The following OPCML variants were observed in gnomAD, a reference collection of about 807,000 sequenced individuals.
OPCML encodes the protein opioid-binding protein/cell adhesion molecule.
A neutral mutation model predicts 37.8 loss-of-function variants in OPCML; 13 were observed. That is an observed-to-expected ratio of 0.34 (90% confidence interval 0.22 to 0.55). OPCML has a LOEUF of 0.55. Among genes scored for constraint, OPCML ranks in the 20% least tolerant of loss-of-function variants. OPCML has a pLI of 0.91. For missense variants in OPCML, 341 were observed against 435.6 expected (o/e 0.78, Z 1.93); for synonymous variants, 176 against 168.8 (o/e 1.04, Z -0.33).
intron 1 of OPCML, among the ~76,000 whole-genome samples, chr11:133,081,728 G>A (rs937942529): frequency 1.3e-5 from 2 of 152,062 alleles, no homozygotes; most frequent in Non-Finnish European, 2.9e-5. Context: ...GTACATCAAT[G>A]GTACTCATCA....
At chr11:132,675,544 C>T (rs1942666091) in intron 2 of OPCML, among the ~76,000 whole-genome samples, 1 of 151,734 alleles carries the variant, frequency 6.6e-6, no homozygotes, top group Non-Finnish European at 1.5e-5. Flanking sequence ...CATAAGGATT[C>T]CACCAAAATA....
At chr11:132,434,896 T>C (rs1377301928) in intron 7 of OPCML, among the ~76,000 whole-genome samples, 1 of 152,176 alleles carries the variant, frequency 6.6e-6, no homozygotes, top group Non-Finnish European at 1.5e-5. Context: ...TTTTCAAAGA[T>C]GACCAAATAT....
chr11:133,087,408 T>G (rs1244902360), intron 1 of OPCML, among the ~76,000 whole-genome samples: 2 of 152,132 alleles, frequency 1.3e-5, no homozygotes, highest in Non-Finnish European at 2.9e-5. Flanking sequence ...GCCTAGAACC[T>G]AATAGGGGGT....
intron 2 of OPCML, among the ~76,000 whole-genome samples, chr11:132,695,868 G>A (rs1420865755): frequency 6.6e-6 from 1 of 152,196 alleles, no homozygotes; most frequent in East Asian, 1.9e-4. Flanking sequence ...CACTCCTCAG[G>A]AGAGTGCTCT....
chr11:133,139,588 T>G (rs1299468696), intron 1 of OPCML, among the ~76,000 whole-genome samples: 1 of 152,224 alleles, frequency 6.6e-6, no homozygotes, highest in Non-Finnish European at 1.5e-5. Flanking sequence ...TTCTGACACT[T>G]AGAAATGGGA....
At chr11:133,266,866 GC>G (rs1941676224) in intron 1 of OPCML, among the ~76,000 whole-genome samples, 2 of 152,158 alleles carry the variant, frequency 1.3e-5, no homozygotes, top group African/African-American at 4.8e-5. Flanking sequence ...GTGCTGGAGA[GC>G]TTCCCCAGCA....
chr11:132,713,418 A>G (rs1944347857), intron 2 of OPCML, among the ~76,000 whole-genome samples: 1 of 152,226 alleles, frequency 6.6e-6, no homozygotes, highest in South Asian at 2.1e-4. Flanking sequence ...GAAACTCTAT[A>G]AATTTTACAA....
chr11:132,419,897 GA>G lies in OPCML; in HGVS notation c.*295del. 2.9e-6 allele frequency: 1 copy of G among 345,168 alleles called. No individual in the cohort carries two copies. Among genetic ancestry groups the G allele is most frequent in the Non-Finnish European group, 5.3e-6 (1 of 188,840 alleles). The allele number at this position is 345,168 out of a possible 1,614,324, so 21.4% of individuals were successfully genotyped here. On this transcript the variant is annotated 3_prime_UTR_variant, in exon 8 of 8. Coordinates refer to ENST00000524381, the MANE Select transcript of OPCML (RefSeq NM_001012393.5). Reference sequence around the variant, plus strand: ...AGAGGATGTTGTTGGGAATGATGATGAGGAGAGAAGCAGAGGAAAGGGAAGG... The same window carrying G: ...AGAGGATGTTGTTGGGAATGATGATGGGAGAGAAGCAGAGGAAAGGGAAGG...
At chr11:133,134,486 G>A (rs1381425138) in intron 1 of OPCML, among the ~76,000 whole-genome samples, 1 of 151,616 alleles carries the variant, frequency 6.6e-6, no homozygotes, top group African/African-American at 2.4e-5. Flanking sequence ...GTGGGTGAGT[G>A]AGCTGCATAT....
chr11:133,348,384 G>A (rs78901918), intron 1 of OPCML, among the ~76,000 whole-genome samples: 7,249 of 152,248 alleles, frequency 0.048, 258 homozygotes, highest in Non-Finnish European at 0.067. Context: ...CAGGTGCTGC[G>A]TAAATGTTTG....
intron 1 of OPCML, among the ~76,000 whole-genome samples, chr11:133,440,629 A>G: frequency 6.7e-6 from 1 of 150,114 alleles, no homozygotes; most frequent in East Asian, 2.0e-4. Context: ...TGGGAAGCTG[A>G]GGCAGGAGAA....
At chr11:133,088,929 T>C (rs558227603) in intron 1 of OPCML, among the ~76,000 whole-genome samples, 1 of 152,330 alleles carries the variant, frequency 6.6e-6, no homozygotes, top group South Asian at 2.1e-4. Context: ...GTGATATCAA[T>C]CATCTATCAG....
At chr11:132,982,816 C>T (rs1387462796) in intron 1 of OPCML, among the ~76,000 whole-genome samples, 1 of 152,214 alleles carries the variant, frequency 6.6e-6, no homozygotes, top group African/African-American at 2.4e-5. Flanking sequence ...CACTGGTCAA[C>T]TTTAATAAGC....
chr11:133,114,003 G>C (rs1014780874), intron 1 of OPCML, among the ~76,000 whole-genome samples: 1 of 152,186 alleles, frequency 6.6e-6, no homozygotes, highest in South Asian at 2.1e-4. Flanking sequence ...TTACGCTGTT[G>C]TCTATCTAAA....
chr11:133,285,380 T>C (rs1219612485), intron 1 of OPCML, among the ~76,000 whole-genome samples: 1 of 152,198 alleles, frequency 6.6e-6, no homozygotes, highest in African/African-American at 2.4e-5. Context: ...ACTCAGCTGG[T>C]ATTTGGAGGA....
At chr11:132,552,185 C>T (rs950825116) in intron 3 of OPCML, among the ~76,000 whole-genome samples, 5 of 152,316 alleles carry the variant, frequency 3.3e-5, no homozygotes, top group African/African-American at 9.6e-5. Context: ...CCAAGTAATG[C>T]TGATGCTGCC....
chr11:133,271,037 G>A (rs1231290075), intron 1 of OPCML, among the ~76,000 whole-genome samples: 1 of 152,190 alleles, frequency 6.6e-6, no homozygotes, highest in Non-Finnish European at 1.5e-5. Flanking sequence ...GGCTGATGAG[G>A]AAGGTTACGC....
In OPCML at chr11:132,571,512, G is replaced by A. The variant is rs117810904; in HGVS notation, c.380-42326C>T. ...ACTACTCAGATATCTCATATAAGTG[G>A]GATCATGCAGTATTTGTCTTTCTGT... On this transcript the variant is annotated intron_variant, in intron 3 of 7. Transcript: ENST00000524381. Among the ~76,000 whole-genome samples the A allele has an allele frequency of 1.5e-3, 231 of 152,172 alleles. 1 individual carries two copies. Among genetic ancestry groups the A allele is most frequent in the Non-Finnish European group, 2.2e-3 (148 of 68,004 alleles).
intron 1 of OPCML, among the ~76,000 whole-genome samples, chr11:133,424,723 T>C (rs1945965269): frequency 6.6e-6 from 1 of 152,238 alleles, no homozygotes; most frequent in African/African-American, 2.4e-5. Flanking sequence ...GACTGATTGC[T>C]GATAATAAAA....
Sources: gnomAD v4.1 joint callset for allele counts (sites outside exome capture counted in the v4.1 genomes callset) on GRCh38, gnomAD v4.1.1 for gene constraint, MANE v1.5 for transcripts, NCBI Gene and HGNC (gene_info 2026-07-23, HGNC 2026-07-21) for gene names.